NDST4: variants seen among roughly 807,000 people sequenced by gnomAD.
NDST4 encodes N-deacetylase and N-sulfotransferase 4, also known as N-heparan sulfate sulfotransferase 4.
NDST4 carries 63 observed loss-of-function variants against 100.8 expected under a neutral mutation model. The observed-to-expected ratio is 0.62, with a 90% CI of 0.51 to 0.77. NDST4 has a LOEUF of 0.77. Ranked by LOEUF, NDST4 falls within the 30% of genes least tolerant of loss-of-function variation. The pLI is 0.00. For missense variants in NDST4, 943 were observed against 1,018.4 expected, an observed-to-expected ratio of 0.93 and a Z score of 1.01; for synonymous variants, 377 against 361.8, an observed-to-expected ratio of 1.04 and a Z score of -0.48.
intron 1 of NDST4, among the ~76,000 whole-genome samples, chr4:115,104,010 G>C (rs1469975707): frequency 6.6e-6 from 1 of 152,080 alleles, no homozygotes; most frequent in Non-Finnish European, 1.5e-5. Flanking sequence ...AAGAATACTA[G>C]ACATCGTACC....
chr4:114,928,045 T>C (rs1284895299), intron 6 of NDST4, among the ~76,000 whole-genome samples: 1 of 152,206 alleles, frequency 6.6e-6, no homozygotes, highest in Non-Finnish European at 1.5e-5. Flanking sequence ...GATCTTCCCT[T>C]TAAAAGTCAG....
Position 115,101,808 on chromosome 4 carries a change from T to C in NDST4, c.-247+11636A>G, listed in dbSNP as rs1207132544. 2.0e-5 allele frequency among the ~76,000 whole-genome samples: 3 copies of C among 152,238 alleles called. No homozygotes were observed. In the South Asian group the frequency reaches 6.2e-4, roughly 32 times the overall value. ...ACAAAACTTTCTGTCATGAGGAATATATGCTTATTAGCAGGTGAGAACTCT... is the reference window on the plus strand; with the variant it reads ...ACAAAACTTTCTGTCATGAGGAATACATGCTTATTAGCAGGTGAGAACTCT... On this transcript the variant is annotated intron_variant, in intron 1 of 13. Coordinates refer to ENST00000264363, the MANE Select transcript of NDST4 (RefSeq NM_022569.3).
intron 2 of NDST4, 93 bp downstream of exon 2, chr4:115,075,966 A>G (rs1729171142): frequency 7.0e-7 from 1 of 1,434,876 alleles, no homozygotes; most frequent in African/African-American, 1.4e-5. Flanking sequence ...GCACCTTAAA[A>G]CTTTAGGGAT....
intron 4 of NDST4, among the ~76,000 whole-genome samples, chr4:114,958,527 G>A (rs547998288): frequency 3.9e-5 from 6 of 152,230 alleles, no homozygotes; most frequent in East Asian, 3.9e-4. Context: ...TCGGGCTTTC[G>A]TCCTCTGAAG....
chr4:114,871,807 G>T (rs72679786), intron 6 of NDST4, among the ~76,000 whole-genome samples: 1 of 151,642 alleles, frequency 6.6e-6, no homozygotes, highest in Non-Finnish European at 1.5e-5. Context: ...AAATTTAATT[G>T]TCTTAAAAAT....
At chr4:114,828,623 G>A (rs1723131410) in intron 13 of NDST4, among the ~76,000 whole-genome samples, 1 of 152,086 alleles carries the variant, frequency 6.6e-6, no homozygotes, top group Non-Finnish European at 1.5e-5. Flanking sequence ...ACAGATTTCT[G>A]GAAAACAGGA....
In NDST4 at chr4:114,968,056, C is replaced by A. The variant is rs139591299; in HGVS notation, c.1221+2374G>T. ...GAAGGTGAGGATTCAAACAGATAAT[C>A]TGGTGCCTGAGTCCTTGATCTTAAC... On this transcript the variant is annotated intron_variant, in intron 4 of 13. Transcript: ENST00000264363. Among the ~76,000 whole-genome samples the A allele has an allele frequency of 3.5e-4, 54 of 152,276 alleles. No individual in the cohort carries two copies. In the East Asian group the frequency reaches 9.3e-3, roughly 26 times the overall value.
At chr4:115,041,849 G>A (rs1017416316) in intron 2 of NDST4, among the ~76,000 whole-genome samples, 4 of 151,896 alleles carry the variant, frequency 2.6e-5, no homozygotes, top group African/African-American at 4.8e-5. Flanking sequence ...AAGGTAATTC[G>A]AAAAATAAAA....
intron 6 of NDST4, among the ~76,000 whole-genome samples, chr4:114,909,664 C>G (rs1188014300): frequency 3.4e-5 from 3 of 87,428 alleles, no homozygotes; most frequent in African/African-American, 3.1e-4. Flanking sequence ...AGCGAGACTC[C>G]GTCTCAAAAA....
At chr4:114,978,700 C>G (rs1318249097) in intron 2 of NDST4, among the ~76,000 whole-genome samples, 1 of 151,422 alleles carries the variant, frequency 6.6e-6, no homozygotes, top group East Asian at 1.9e-4. Context: ...GTTCCCTTTT[C>G]TGGCTTTTTT....
Position 114,915,456 on chromosome 4 carries a change from T to A in NDST4, c.1536+19750A>T, listed in dbSNP as rs565540298. 4.6e-5 allele frequency among the ~76,000 whole-genome samples: 7 copies of A among 152,326 alleles called. No homozygotes were observed. In the South Asian group the frequency reaches 8.3e-4, roughly 18 times the overall value. Reference sequence around the variant, plus strand: ...TAAATTCATTCCTTTTTAATAATAATCTTGTTAACAGTCAAAATGTGCAAA... The same window carrying A: ...TAAATTCATTCCTTTTTAATAATAAACTTGTTAACAGTCAAAATGTGCAAA... On this transcript the variant is annotated intron_variant, in intron 6 of 13. Transcript: ENST00000264363.
At position 114,827,983 on chromosome 4, in the gene NDST4, A is replaced by C. The variant is rs776150257; in HGVS notation, c.2500-48T>G. 20 of 1,547,090 alleles carry C rather than the reference A, an allele frequency of 1.3e-5. No homozygotes were observed. In the South Asian group the frequency reaches 1.3e-4, roughly 10 times the overall value. On this transcript the variant is annotated intron_variant, in intron 13 of 13. Coordinates refer to ENST00000264363, the MANE Select transcript of NDST4 (RefSeq NM_022569.3). ...TTGAAAGAAGCTCTTTGTTTCATCA[A>C]ACAGGATATTGTAATCTATATTTCT... is the stretch of plus-strand genomic sequence containing the variant.
chr4:115,061,145 C>A (rs1169794416), intron 2 of NDST4, among the ~76,000 whole-genome samples: 1 of 151,554 alleles, frequency 6.6e-6, no homozygotes, highest in Non-Finnish European at 1.5e-5. Context: ...GTTAGAATGG[C>A]GAAATAGGAA....
At chr4:114,957,734 C>A (rs938963745) in intron 4 of NDST4, among the ~76,000 whole-genome samples, 1 of 152,190 alleles carries the variant, frequency 6.6e-6, no homozygotes, top group Non-Finnish European at 1.5e-5. Flanking sequence ...TGGGGATACA[C>A]ATACTGGGTA....
intron 6 of NDST4, among the ~76,000 whole-genome samples, chr4:114,881,984 C>G (rs796842404): frequency 2.6e-5 from 4 of 151,988 alleles, no homozygotes; most frequent in African/African-American, 9.6e-5. Context: ...AACTCATATA[C>G]TCTCTACTCC....
chr4:114,930,341 C>T (rs1004485272), intron 6 of NDST4, among the ~76,000 whole-genome samples: 2 of 152,126 alleles, frequency 1.3e-5, no homozygotes, highest in African/African-American at 4.8e-5. Flanking sequence ...ATCCATGCGC[C>T]TGTTCCAAGT....
rs184155961 is a variant in NDST4, at chr4:114,833,239, T to G, written c.2396+367A>C. Among the ~76,000 whole-genome samples the G allele has an allele frequency of 3.9e-4, 59 of 152,356 alleles. No homozygotes were observed. The East Asian group carries it at 0.01, about 27-fold the overall frequency. On this transcript the variant is annotated intron_variant, in intron 12 of 13. Coordinates refer to ENST00000264363, the MANE Select transcript of NDST4 (RefSeq NM_022569.3). ...TCCCAATTCTGTCCTACATATTGCA[T>G]TTCATTTCTAACCTGTAAATTTCTT...
chr4:115,039,854 G>C (rs1728313743), intron 2 of NDST4, among the ~76,000 whole-genome samples: 1 of 151,958 alleles, frequency 6.6e-6, no homozygotes, highest in Non-Finnish European at 1.5e-5. Flanking sequence ...CCCATACTAA[G>C]AGTTTTTCAA....
At chr4:115,065,999 C>T (rs891496407) in intron 2 of NDST4, among the ~76,000 whole-genome samples, 18 of 152,142 alleles carry the variant, frequency 1.2e-4, no homozygotes, top group South Asian at 2.1e-4. Context: ...ACTCAAATAC[C>T]GCATCCTCCA....
Sources: allele counts gnomAD v4.1 joint callset (sites outside exome capture counted in the v4.1 genomes callset), GRCh38; gene constraint gnomAD v4.1.1; transcripts MANE v1.5; gene names NCBI Gene and HGNC (gene_info 2026-07-23, HGNC 2026-07-21).